Variants in SORCS1 observed in about 807,000 individuals in gnomAD.
SORCS1 encodes VPS10 domain-containing receptor SorCS1.
In SORCS1, 60 loss-of-function variants were observed where a neutral mutation model predicts 146.1. The observed-to-expected ratio is 0.41, with a 90% CI of 0.33 to 0.51. The LOEUF is 0.51. SORCS1 is among the 20% of genes least tolerant of loss of function. The pLI is 0.21. For synonymous variants in SORCS1, 637 were observed against 584.0 expected (o/e 1.09, Z -1.31); for missense variants, 1,352 against 1,487.6 (o/e 0.91, Z 1.50).
chr10:106,687,125 G>A (rs821937), intron 10 of SORCS1, among the ~76,000 whole-genome samples: 127,558 of 152,082 alleles, frequency 0.84, 54,694 homozygotes, highest in Non-Finnish European at 0.94. Flanking sequence ...CCTCTTCCTC[G>A]CCTCCTTCTG....
chr10:107,155,203 A>C (rs557388175), intron 1 of SORCS1, among the ~76,000 whole-genome samples: 64 of 152,302 alleles, frequency 4.2e-4, no homozygotes, highest in African/African-American at 1.5e-3. Flanking sequence ...CATGGTTTCT[A>C]TTGAGAAGCT....
chr10:106,711,048 C>T (rs894946294), intron 6 of SORCS1, among the ~76,000 whole-genome samples: 1 of 152,172 alleles, frequency 6.6e-6, no homozygotes, highest in African/African-American at 2.4e-5. Context: ...TTCTTTCTTA[C>T]TGAGCCGTGC....
intron 1 of SORCS1, among the ~76,000 whole-genome samples, chr10:106,998,394 T>C (rs1957085302): frequency 6.6e-6 from 1 of 152,234 alleles, no homozygotes; most frequent in African/African-American, 2.4e-5. Context: ...CTTTCATTTT[T>C]TTGATGTTCA....
intron 3 of SORCS1, among the ~76,000 whole-genome samples, chr10:106,781,325 T>C (rs1212760331): frequency 6.6e-6 from 1 of 152,184 alleles, no homozygotes; most frequent in African/African-American, 2.4e-5. Context: ...GAAAAAGTAT[T>C]TATTTTATAT....
intron 1 of SORCS1, among the ~76,000 whole-genome samples, chr10:107,112,632 A>G (rs770707835): frequency 3.2e-4 from 49 of 152,166 alleles, no homozygotes; most frequent in Non-Finnish European, 4.7e-4. Flanking sequence ...GCTACCTAAA[A>G]TAGACTCACT....
In SORCS1 at chr10:106,718,391, G is replaced by C. The variant is rs149128901; in HGVS notation, c.1025-9050C>G. On this transcript the variant is annotated intron_variant, in intron 6 of 25. Transcript: ENST00000263054. ...CATGAATGAAGCTGCAGACCCTCAC[G>C]GTGAGTGTTACAGTTCTTAAAGATG... Among the ~76,000 whole-genome samples, 260 of 152,262 alleles carry C rather than the reference G, an allele frequency of 1.7e-3. 1 individual carries two copies. The highest frequency in any genetic ancestry group is 6.0e-3 in the African/African-American group (250 of 41,554).
intron 2 of SORCS1, among the ~76,000 whole-genome samples, chr10:106,869,558 G>A (rs975761190): frequency 6.6e-6 from 1 of 151,992 alleles, no homozygotes; most frequent in Non-Finnish European, 1.5e-5. Flanking sequence ...CAATAAATGT[G>A]ATTCATCACA....
chr10:106,877,464 C>T (rs144301147), intron 2 of SORCS1, among the ~76,000 whole-genome samples: 1 of 152,060 alleles, frequency 6.6e-6, no homozygotes, highest in Non-Finnish European at 1.5e-5. Flanking sequence ...GCCTGTAGTT[C>T]CAGTTTCTCA....
chr10:107,144,301 A>C (rs952809103), intron 1 of SORCS1, among the ~76,000 whole-genome samples: 6 of 152,224 alleles, frequency 3.9e-5, no homozygotes, highest in African/African-American at 1.4e-4. Context: ...ACTTGAGAGG[A>C]GGACTATTTC....
chr10:106,741,778 T>G (rs1414950714), intron 5 of SORCS1, among the ~76,000 whole-genome samples: 2 of 152,144 alleles, frequency 1.3e-5, no homozygotes, highest in Non-Finnish European at 2.9e-5. Flanking sequence ...TTCTTCAGCT[T>G]AGACCTTAAA....
At chr10:106,735,330 C>T (rs1357677578) in intron 5 of SORCS1, among the ~76,000 whole-genome samples, 1 of 151,954 alleles carries the variant, frequency 6.6e-6, no homozygotes, top group African/African-American at 2.4e-5. Context: ...TTCCAAACCC[C>T]TACTATGAAA....
At chr10:106,695,269 C>T (rs576161959) in intron 9 of SORCS1, among the ~76,000 whole-genome samples, 31 of 152,284 alleles carry the variant, frequency 2.0e-4, no homozygotes, top group African/African-American at 5.1e-4. Context: ...AGATAGGTCT[C>T]GGGCAATCAA....
intron 2 of SORCS1, among the ~76,000 whole-genome samples, chr10:106,934,101 A>C (rs1479162485): frequency 9.4e-6 from 1 of 106,392 alleles, no homozygotes; most frequent in Admixed American, 8.6e-5. Flanking sequence ...CTCAAAAAAC[A>C]AAAAAAAAAA....
intron 1 of SORCS1, among the ~76,000 whole-genome samples, chr10:107,138,550 A>G (rs1967536927): frequency 6.6e-6 from 1 of 152,198 alleles, no homozygotes; most frequent in Non-Finnish European, 1.5e-5. Context: ...TTCGTCTAAG[A>G]TAGGCAGACA....
chr10:106,628,355 G>A (rs1029183634), intron 19 of SORCS1, among the ~76,000 whole-genome samples: 1 of 152,196 alleles, frequency 6.6e-6, no homozygotes, highest in Non-Finnish European at 1.5e-5. Flanking sequence ...GAGGCATGGA[G>A]TAATAATGGC....
chr10:107,042,131 G>A (rs1293424191), intron 1 of SORCS1, among the ~76,000 whole-genome samples: 1 of 152,144 alleles, frequency 6.6e-6, no homozygotes, highest in East Asian at 1.9e-4. Context: ...AATTATCACA[G>A]TAAATAAAAG....
At chr10:106,702,675 G>T (rs1463534955) in intron 8 of SORCS1, among the ~76,000 whole-genome samples, 3 of 152,132 alleles carry the variant, frequency 2.0e-5, no homozygotes, top group Non-Finnish European at 4.4e-5. Flanking sequence ...AATGATATTG[G>T]TCTTAAATAG....
At chr10:106,758,615 C>A (rs1858841333) in intron 5 of SORCS1, among the ~76,000 whole-genome samples, 1 of 152,096 alleles carries the variant, frequency 6.6e-6, no homozygotes, top group Admixed American at 6.6e-5. Context: ...ACATATAACA[C>A]CCCCAAAAAG....
chr10:106,889,323 T>C (rs949472646), intron 2 of SORCS1, among the ~76,000 whole-genome samples: 5 of 151,982 alleles, frequency 3.3e-5, no homozygotes, highest in African/African-American at 1.2e-4. Flanking sequence ...CAGACAGCAA[T>C]TGTAGGGCCT....
Sources: allele counts gnomAD v4.1 joint callset (sites outside exome capture counted in the v4.1 genomes callset), GRCh38; gene constraint gnomAD v4.1.1; transcripts MANE v1.5; gene names NCBI Gene and HGNC (gene_info 2026-07-23, HGNC 2026-07-21).